PHACTR1: variants seen among roughly 807,000 people sequenced by gnomAD.
PHACTR1 encodes the protein phosphatase and actin regulator 1, also known as RPEL repeat containing 1.
PHACTR1 carries 16 observed loss-of-function variants against 69.2 expected under a neutral mutation model. The ratio of observed to expected loss-of-function variants is 0.23; its 90% CI spans 0.16 to 0.35. The LOEUF is 0.35. Among genes scored for constraint, PHACTR1 ranks in the 10% least tolerant of loss-of-function variants. The pLI, the probability that PHACTR1 is intolerant of heterozygous loss-of-function variation, is 1.00. For missense variants in PHACTR1, 510 were observed against 734.7 expected (o/e 0.69, Z 3.54); for synonymous variants, 312 against 284.5 (o/e 1.10, Z -0.97).
intron 4 of PHACTR1, among the ~76,000 whole-genome samples, chr6:12,912,635 A>G (rs1786539240): frequency 6.6e-6 from 1 of 152,164 alleles, no homozygotes; most frequent in Non-Finnish European, 1.5e-5. Context: ...ATCCTCATTT[A>G]TCTAAGAAAT....
chr6:12,985,962 A>G (rs1263712279), intron 4 of PHACTR1, among the ~76,000 whole-genome samples: 1 of 151,920 alleles, frequency 6.6e-6, no homozygotes, highest in Non-Finnish European at 1.5e-5. Context: ...CGGCCTCCCA[A>G]GTAGCTGGGA....
intron 10 of PHACTR1, among the ~76,000 whole-genome samples, chr6:13,271,258 A>G (rs1259987664): frequency 6.6e-6 from 1 of 152,208 alleles, no homozygotes; most frequent in African/African-American, 2.4e-5. Flanking sequence ...TCAAGAAGCT[A>G]GGACCAAGCC....
intron 8 of PHACTR1, among the ~76,000 whole-genome samples, chr6:13,222,052 G>A (rs1379287953): frequency 6.6e-6 from 1 of 151,708 alleles, no homozygotes; most frequent in African/African-American, 2.4e-5. Flanking sequence ...AAAAAAGAAT[G>A]AACAAAGACT....
chr6:13,076,232 C>CA (rs1810448555), intron 5 of PHACTR1, among the ~76,000 whole-genome samples: 1 of 151,904 alleles, frequency 6.6e-6, no homozygotes. Context: ...AACTGGCAGC[C>CA]AATAATTACA....
chr6:12,783,219 C>T (rs540035196), intron 4 of PHACTR1, among the ~76,000 whole-genome samples: 39 of 152,236 alleles, frequency 2.6e-4, no homozygotes, highest in African/African-American at 8.7e-4. Flanking sequence ...ATCCATTGCC[C>T]AGGTAGGTTG....
At chr6:12,814,819 T>C (rs1775406254) in intron 4 of PHACTR1, among the ~76,000 whole-genome samples, 1 of 152,236 alleles carries the variant, frequency 6.6e-6, no homozygotes, top group African/African-American at 2.4e-5. Context: ...CCATTAGTGA[T>C]TCTGAGTTGC....
At chr6:13,020,884 G>T (rs1237222999) in intron 4 of PHACTR1, among the ~76,000 whole-genome samples, 2 of 152,144 alleles carry the variant, frequency 1.3e-5, no homozygotes, top group South Asian at 2.1e-4. Context: ...GGTGAGAAGG[G>T]CACCTGGGGA....
intron 4 of PHACTR1, among the ~76,000 whole-genome samples, chr6:12,911,081 T>C (rs1049558382): frequency 2.0e-5 from 3 of 152,128 alleles, no homozygotes; most frequent in African/African-American, 7.2e-5. Flanking sequence ...TCACAAACAG[T>C]TTGCAAGCCA....
At chr6:12,989,999 A>G (rs1796632225) in intron 4 of PHACTR1, among the ~76,000 whole-genome samples, 1 of 152,150 alleles carries the variant, frequency 6.6e-6, no homozygotes, top group South Asian at 2.1e-4. Context: ...AGCGGGTCTC[A>G]CTCTGAGCAT....
intron 4 of PHACTR1, among the ~76,000 whole-genome samples, chr6:12,811,537 C>T (rs779410609): frequency 6.6e-5 from 10 of 152,076 alleles, no homozygotes; most frequent in South Asian, 2.1e-4. Context: ...GATTAGTGTA[C>T]GTGATGTATT....
intron 4 of PHACTR1, among the ~76,000 whole-genome samples, chr6:13,033,837 T>C (rs1802838995): frequency 6.6e-6 from 1 of 152,212 alleles, no homozygotes; most frequent in Non-Finnish European, 1.5e-5. Context: ...TTATGACTTT[T>C]AATAAAATTG....
At chr6:12,780,860 C>T (rs1451070747) in intron 4 of PHACTR1, among the ~76,000 whole-genome samples, 1 of 152,106 alleles carries the variant, frequency 6.6e-6, no homozygotes, top group Non-Finnish European at 1.5e-5. Flanking sequence ...TTTGTCAGCC[C>T]CTCTGTGCTA....
intron 3 of PHACTR1, among the ~76,000 whole-genome samples, chr6:12,742,685 C>T (rs1250965658): frequency 6.6e-6 from 1 of 152,044 alleles, no homozygotes. Context: ...AACCCTTAAT[C>T]CTAAGGGTTA....
chr6:12,991,011 G>T (rs1206853134), intron 4 of PHACTR1, among the ~76,000 whole-genome samples: 2 of 152,138 alleles, frequency 1.3e-5, no homozygotes, highest in Non-Finnish European at 2.9e-5. Context: ...AGCAGGGCGA[G>T]GCAGGCCAAA....
intron 4 of PHACTR1, among the ~76,000 whole-genome samples, chr6:12,757,719 A>C (rs1360171765): frequency 2.6e-5 from 4 of 152,196 alleles, no homozygotes; most frequent in Non-Finnish European, 4.4e-5. Flanking sequence ...AGTAGGAGGG[A>C]TAGAACGATC....
intron 4 of PHACTR1, among the ~76,000 whole-genome samples, chr6:12,998,335 A>G (rs1477388749): frequency 6.6e-6 from 1 of 152,068 alleles, no homozygotes; most frequent in Non-Finnish European, 1.5e-5. Context: ...GTCCAAAAAT[A>G]GGCTAGGCAC....
At chr6:12,960,761 T>C (rs887339630) in intron 4 of PHACTR1, among the ~76,000 whole-genome samples, 1 of 152,208 alleles carries the variant, frequency 6.6e-6, no homozygotes, top group East Asian at 1.9e-4. Flanking sequence ...TGTAGGCTTT[T>C]ACCCGACTTG....
At chr6:13,012,940 C>T (rs2127648383) in intron 4 of PHACTR1, among the ~76,000 whole-genome samples, 1 of 152,332 alleles carries the variant, frequency 6.6e-6, no homozygotes, top group African/African-American at 2.4e-5. Context: ...ACTCAGGAAA[C>T]TGAGGCAGGA....
At chr6:12,810,415 G>A (rs751351035) in intron 4 of PHACTR1, among the ~76,000 whole-genome samples, 14 of 152,208 alleles carry the variant, frequency 9.2e-5, no homozygotes, top group Middle Eastern at 3.4e-3. Flanking sequence ...CTAGAAAAAC[G>A]CTCTCTTTGA....
Sources: gnomAD v4.1 joint callset for allele counts (sites outside exome capture counted in the v4.1 genomes callset) on GRCh38, gnomAD v4.1.1 for gene constraint, MANE v1.5 for transcripts, NCBI Gene and HGNC (gene_info 2026-07-23, HGNC 2026-07-21) for gene names.